NLRP2: variants seen among roughly 807,000 people sequenced by gnomAD.
The protein encoded by NLRP2 is NLR family pyrin domain containing 2, also known as NACHT, LRR and PYD domains-containing protein 2.
A neutral mutation model predicts 97.2 loss-of-function variants in NLRP2; 107 were observed. The observed-to-expected ratio is 1.10, with a 90% confidence interval of 0.94 to 1.29. The LOEUF (loss-of-function observed/expected upper bound fraction) is 1.29, where lower values mean the gene tolerates loss of function less well. Ranked by LOEUF, NLRP2 falls within the 50% of genes most tolerant of loss-of-function variation. NLRP2 has a pLI of 0.00. For synonymous variants in NLRP2, 663 were observed against 551.5 expected, an observed-to-expected ratio of 1.20 and a Z score of -2.83; for missense variants, 1,495 against 1,330.3, an observed-to-expected ratio of 1.12 and a Z score of -1.93.
intron 3 of NLRP2, chr19:54,976,810 CTCTTTTTTT>C (rs2071262569): frequency 8.1e-5 from 26 of 320,344 alleles, no homozygotes; most frequent in Middle Eastern, 4.7e-4. Flanking sequence ...CTTGTTCTCT[CTCTTTTTTT>C]TTTTTTTTTT....
chr19:54,979,674 G>A (rs1309594395), intron 4 of NLRP2, among the ~76,000 whole-genome samples: 1 of 152,018 alleles, frequency 6.6e-6, no homozygotes, highest in Non-Finnish European at 1.5e-5. Flanking sequence ...GATACAGCAA[G>A]TATTTCTTGC....
At chr19:54,975,026 C>G (rs1417117196) in intron 3 of NLRP2, among the ~76,000 whole-genome samples, 6 of 150,288 alleles carry the variant, frequency 4.0e-5, no homozygotes, top group Non-Finnish European at 8.9e-5. Flanking sequence ...GTCTTGAACT[C>G]CTGACCTCAA....
intron 1 of NLRP2, among the ~76,000 whole-genome samples, chr19:54,968,929 C>T (rs1324717027): frequency 6.6e-6 from 1 of 151,500 alleles, no homozygotes; most frequent in Non-Finnish European, 1.5e-5. Flanking sequence ...TCTCGATCTC[C>T]TGACCTCACG....
chr19:54,992,137 G>A (rs537871448), intron 10 of NLRP2, among the ~76,000 whole-genome samples: 6 of 151,420 alleles, frequency 4.0e-5, no homozygotes, highest in Admixed American at 2.0e-4. Context: ...GGTTGGTCTC[G>A]AACTGACCTC....
intron 11 of NLRP2, among the ~76,000 whole-genome samples, chr19:54,997,011 G>A (rs1056189887): frequency 2.6e-5 from 4 of 152,080 alleles, no homozygotes; most frequent in Admixed American, 1.3e-4. Flanking sequence ...GGGTTCAAGC[G>A]ATTCTCCTGC....
At position 54,994,318 on chromosome 19, in the gene NLRP2, C is replaced by G. The variant is rs145736130; in HGVS notation, c.2758C>G (p.Leu920Val). The G allele has an allele frequency of 9.9e-4, 1,596 of 1,614,144 alleles. 2 individuals are homozygous for G. Among genetic ancestry groups the G allele is most frequent in the Non-Finnish European group, 1.2e-3 (1,460 of 1,180,012 alleles). The stretch of plus-strand genomic sequence containing the variant: ...CGATGGCTGCTGCGATCTCACAAAG[C>G]TTCTCCAAGAAAAATCAAGCCTGTT... Reference protein sequence around the residue: ...TSDGCCDLTKLLQEKSSLLCL... With the variant: ...TSDGCCDLTKVLQEKSSLLCL... The change falls in exon 11 of 13, where the codon CTT becomes GTT. Residue 920 changes from leucine (L) to valine (V), a missense_variant. Transcript: ENST00000448584.
At chr19:54,999,146 A>AC (rs1018528255) in intron 12 of NLRP2, among the ~76,000 whole-genome samples, 7 of 150,580 alleles carry the variant, frequency 4.6e-5, no homozygotes, top group East Asian at 2.0e-4. Context: ...CGGGGGGCTG[A>AC]CCCCCCCACC....
intron 10 of NLRP2, chr19:54,993,868 T>A (rs1379351204): frequency 3.3e-6 from 1 of 301,896 alleles, no homozygotes; most frequent in Non-Finnish European, 6.4e-6. Flanking sequence ...GTTGGCCACC[T>A]GCATTCCTTG....
At chr19:54,984,058 C>A (rs1407251975) in intron 6 of NLRP2, among the ~76,000 whole-genome samples, 2 of 152,080 alleles carry the variant, frequency 1.3e-5, no homozygotes, top group East Asian at 3.9e-4. Flanking sequence ...AGCATGTTGG[C>A]CAGTCTGGTC....
chr19:54,999,101 C>T (rs1374464291), intron 12 of NLRP2, among the ~76,000 whole-genome samples: 2 of 146,524 alleles, frequency 1.4e-5, no homozygotes, highest in South Asian at 2.2e-4. Flanking sequence ...CGGGCAGAGG[C>T]GCCCCTCACC....
chr19:54,994,477 C>A (rs1197807925), intron 11 of NLRP2, 38 bp downstream of exon 11: 1 of 1,602,124 alleles, frequency 6.2e-7, no homozygotes, highest in African/African-American at 1.3e-5. Context: ...TATACTTACA[C>A]CTTACTGAAT....
In NLRP2 at chr19:54,982,452, C is replaced by T. The variant is rs751397169; in HGVS notation, c.754C>T (p.Arg252Cys). The part of the protein sequence containing the change: ...AFYLSCRELS[R>C]LGPCSFAELV... Reference sequence around the variant, plus strand: ...CTACCTCAGCTGCAGGGAGCTCAGCCGCCTGGGCCCGTGCAGTTTTGCAGA... The same window carrying T: ...CTACCTCAGCTGCAGGGAGCTCAGCTGCCTGGGCCCGTGCAGTTTTGCAGA... The change falls in exon 6 of 13, where the codon CGC (arginine) becomes TGC (cysteine). Residue 252 changes from arginine to cysteine, a missense_variant. Coordinates refer to ENST00000448584, the MANE Select transcript of NLRP2 (RefSeq NM_017852.5). 1.1e-5 allele frequency: 17 copies of T among 1,614,030 alleles called. No individual in the cohort carries two copies. Among genetic ancestry groups the T allele is most frequent in the South Asian group, 2.2e-5 (2 of 91,082 alleles).
chr19:55,000,270 CTTTTTTTTTTTTTTTT>C (rs1157138794), intron 12 of NLRP2, among the ~76,000 whole-genome samples: 545 of 35,952 alleles, frequency 0.015, 11 homozygotes, highest in African/African-American at 0.048. Flanking sequence ...GAGAGACTGT[CTTTTTTTTTTTTTTTT>C]TTTTTTTTTT....
Position 54,985,222 on chromosome 19 carries a change from G to A in NLRP2, c.2201+5G>A. 6.2e-7 allele frequency: 1 copy of A among 1,613,390 alleles called. No individual in the cohort carries two copies. Among genetic ancestry groups the A allele is most frequent in the Admixed American group, 1.7e-5 (1 of 60,000 alleles). ...CTGTCATCTCCAGAGAGTGGTGTAAGTAGAAACTAATTCATGAACTCAAAT... is the reference window on the plus strand; with the variant it reads ...CTGTCATCTCCAGAGAGTGGTGTAAATAGAAACTAATTCATGAACTCAAAT... On this transcript the variant is annotated splice_donor_5th_base_variant and intron_variant, in intron 7 of 12. Transcript: ENST00000448584.
chr19:54,980,351 C>T (rs1489863593), intron 4 of NLRP2, among the ~76,000 whole-genome samples: 9 of 151,886 alleles, frequency 5.9e-5, no homozygotes, highest in East Asian at 5.9e-4. Context: ...GCCCGCCACA[C>T]GCCCGGCTAA....
chr19:54,990,626 CT>C lies in NLRP2; in HGVS notation c.2663del (p.Leu888ArgfsTer5), dbSNP rs2072411743. On this transcript the variant is annotated frameshift_variant, in exon 10 of 13. Transcript: ENST00000448584. LOFTEE classifies it high-confidence loss of function. The stretch of plus-strand genomic sequence containing the variant: ...CATTGGGAATACAGGGGTGAAGTTT[CT>C]GTGTGAGGGCTTGAGGTACCCCGAG... ...NPIGNTGVKF[L>X]CEGLRYPECK... 1.2e-6 allele frequency: 2 copies of C among 1,614,008 alleles called. No individual in the cohort carries two copies. The highest frequency in any genetic ancestry group is 1.7e-6 in the Non-Finnish European group (2 of 1,180,046).
At chr19:54,988,264 T>C (rs745885942) in intron 8 of NLRP2, among the ~76,000 whole-genome samples, 12 of 152,074 alleles carry the variant, frequency 7.9e-5, no homozygotes, top group Admixed American at 1.3e-4. Context: ...AGGGGGAATA[T>C]TGGGTGAATT....
At chr19:54,969,415 T>A (rs2070698648) in intron 1 of NLRP2, among the ~76,000 whole-genome samples, 1 of 148,782 alleles carries the variant, frequency 6.7e-6, no homozygotes, top group Non-Finnish European at 1.5e-5. Context: ...GAGGCAGAGG[T>A]TGTAGTGAGC....
intron 10 of NLRP2, chr19:54,991,392 A>G (rs1429205973): frequency 6.6e-6 from 1 of 152,272 alleles, no homozygotes; most frequent in Admixed American, 6.6e-5. Flanking sequence ...CTCTCTACTA[A>G]AAATACAAAA....
Sources: gnomAD v4.1 joint callset for allele counts (sites outside exome capture counted in the v4.1 genomes callset) on GRCh38, gnomAD v4.1.1 for gene constraint, MANE v1.5 for transcripts, NCBI Gene and HGNC (gene_info 2026-07-23, HGNC 2026-07-21) for gene names.